Variants in ZFHX3 observed in about 807,000 individuals in gnomAD.
ZFHX3 encodes the protein zinc finger homeobox 3.
Under a neutral mutation model 279.1 loss-of-function variants are expected in ZFHX3, and 42 were observed. That is an observed-to-expected ratio of 0.15 (90% CI 0.12 to 0.19). ZFHX3 has a LOEUF of 0.19. ZFHX3 is among the 10% of genes least tolerant of loss of function. The probability of loss-of-function intolerance (pLI) is 1.00; values close to 1 mark genes in which losing one functional copy is unlikely to be tolerated. For missense variants in ZFHX3, 4,981 were observed against 4,754.0 expected, an observed-to-expected ratio of 1.05 and a Z score of -1.40; for synonymous variants, 2,293 against 1,957.8, an observed-to-expected ratio of 1.17 and a Z score of -4.52.
At chr16:73,528,795 C>T (rs2019740446) in intron 2 of ZFHX3, among the ~76,000 whole-genome samples, 1 of 152,124 alleles carries the variant, frequency 6.6e-6, no homozygotes, top group African/African-American at 2.4e-5. Context: ...TGGTCTGTAG[C>T]CAGAGAACCA....
chr16:73,251,736 T>G (rs950443139), intron 5 of ZFHX3, among the ~76,000 whole-genome samples: 9 of 122,440 alleles, frequency 7.4e-5, no homozygotes, highest in South Asian at 2.8e-4. Flanking sequence ...GCACACACCA[T>G]GCACACACAC....
chr16:73,353,060 A>G (rs767776478), intron 3 of ZFHX3, among the ~76,000 whole-genome samples: 2 of 152,180 alleles, frequency 1.3e-5, no homozygotes, highest in Non-Finnish European at 2.9e-5. Flanking sequence ...GGGAATCCAC[A>G]CAGGCAGTGA....
At chr16:73,735,139 AC>A (rs1468062899) in intron 1 of ZFHX3, among the ~76,000 whole-genome samples, 3 of 152,164 alleles carry the variant, frequency 2.0e-5, no homozygotes, top group African/African-American at 7.2e-5. Flanking sequence ...TGCAGCCATC[AC>A]CACCACCCAT....
At chr16:73,666,108 A>T (rs2052840087) in intron 2 of ZFHX3, among the ~76,000 whole-genome samples, 1 of 151,762 alleles carries the variant, frequency 6.6e-6, no homozygotes, top group African/African-American at 2.4e-5. Context: ...GAGCCACCGC[A>T]CCCAGCTGCC....
At chr16:73,273,988 C>CA (rs1425188764) in intron 4 of ZFHX3, among the ~76,000 whole-genome samples, 3 of 151,828 alleles carry the variant, frequency 2.0e-5, no homozygotes, top group South Asian at 4.2e-4. Flanking sequence ...ACTAAAAATA[C>CA]AAAAAATTAG....
chr16:72,789,430 C>G (rs1389519788), intron 9 of ZFHX3: 1 of 152,306 alleles, frequency 6.6e-6, no homozygotes, highest in Non-Finnish European at 1.5e-5. Context: ...CCATTTGCAC[C>G]AAAGGCCTTC....
At chr16:73,648,671 C>A (rs139298311) in intron 2 of ZFHX3, among the ~76,000 whole-genome samples, 1 of 152,148 alleles carries the variant, frequency 6.6e-6, no homozygotes, top group Non-Finnish European at 1.5e-5. Flanking sequence ...CTTGGCCTCC[C>A]AAAGTGCTGG....
chr16:73,089,904 C>T (rs2144775448), intron 8 of ZFHX3, among the ~76,000 whole-genome samples: 1 of 152,272 alleles, frequency 6.6e-6, no homozygotes, highest in South Asian at 2.1e-4. Flanking sequence ...GGCTAGTGGC[C>T]CCCAAGCTCA....
chr16:73,506,568 T>C (rs2019330019), intron 2 of ZFHX3, among the ~76,000 whole-genome samples: 1 of 152,200 alleles, frequency 6.6e-6, no homozygotes, highest in Non-Finnish European at 1.5e-5. Flanking sequence ...CAGGTCTCCA[T>C]GTCAAGCCTG....
intron 1 of ZFHX3, among the ~76,000 whole-genome samples, chr16:73,792,283 G>A (rs561267161): frequency 1.3e-5 from 2 of 152,188 alleles, no homozygotes; most frequent in East Asian, 1.9e-4. Context: ...ACATGAATAC[G>A]GGGGAATGAA....
intron 5 of ZFHX3, among the ~76,000 whole-genome samples, chr16:73,223,887 A>C (rs965976355): frequency 6.6e-6 from 1 of 152,236 alleles, no homozygotes; most frequent in African/African-American, 2.4e-5. Context: ...ACACACTATC[A>C]ACATAAATGT....
intron 5 of ZFHX3, among the ~76,000 whole-genome samples, chr16:73,148,943 T>C (rs1222812777): frequency 6.6e-6 from 1 of 151,694 alleles, no homozygotes; most frequent in Non-Finnish European, 1.5e-5. Flanking sequence ...CAAGACTCCA[T>C]CTCAAAACAA....
chr16:72,825,235 A>G (rs1265426334), intron 5 of ZFHX3, among the ~76,000 whole-genome samples: 1 of 152,248 alleles, frequency 6.6e-6, no homozygotes, highest in Non-Finnish European at 1.5e-5. Flanking sequence ...GCACAACGCC[A>G]GCTCCTTACA....
At chr16:73,705,379 G>T (rs1356379802) in intron 1 of ZFHX3, among the ~76,000 whole-genome samples, 1 of 152,218 alleles carries the variant, frequency 6.6e-6, no homozygotes, top group South Asian at 2.1e-4. Context: ...GGGTGAGAGG[G>T]TGAGAGCAGC....
intron 4 of ZFHX3, among the ~76,000 whole-genome samples, chr16:72,880,378 G>T (rs1330925492): frequency 1.3e-5 from 2 of 152,128 alleles, no homozygotes; most frequent in African/African-American, 4.8e-5. Flanking sequence ...GAGGTGATTA[G>T]GTTAACGTGA....
chr16:73,023,890 G>A (rs1278461402), intron 1 of ZFHX3, among the ~76,000 whole-genome samples: 6 of 152,130 alleles, frequency 3.9e-5, no homozygotes, highest in Admixed American at 6.6e-5. Context: ...GGACACTTCC[G>A]TTTCAGGACA....
At chr16:73,624,702 A>G (rs746134471) in intron 2 of ZFHX3, among the ~76,000 whole-genome samples, 8 of 152,118 alleles carry the variant, frequency 5.3e-5, no homozygotes, top group Non-Finnish European at 8.8e-5. Flanking sequence ...AGCACATTTC[A>G]TCAAATGTGT....
At chr16:73,452,697 T>C (rs887667279) in intron 3 of ZFHX3, among the ~76,000 whole-genome samples, 5 of 152,202 alleles carry the variant, frequency 3.3e-5, no homozygotes. Flanking sequence ...CTTCCATTTG[T>C]TGGATTTACT....
rs2017764665 is a variant in ZFHX3, at chr16:73,423,924, A to G, written c.-1291+32079T>C. On this transcript the variant is annotated intron_variant, in intron 3 of 17. Transcript: ENST00000641206. Reference sequence around the variant, plus strand: ...GATGCTTCCTTTGTATCTCTGGACAATATTGGGTCTCTGTGAGATGTTAAT... The same window carrying G: ...GATGCTTCCTTTGTATCTCTGGACAGTATTGGGTCTCTGTGAGATGTTAAT... Among the ~76,000 whole-genome samples the G allele has an allele frequency of 3.9e-5, 6 of 152,158 alleles. No homozygotes were observed. In the South Asian group the frequency reaches 1.2e-3, roughly 32 times the overall value.
Sources: allele counts gnomAD v4.1 joint callset (sites outside exome capture counted in the v4.1 genomes callset), GRCh38; gene constraint gnomAD v4.1.1; transcripts MANE v1.5; gene names NCBI Gene and HGNC (gene_info 2026-07-23, HGNC 2026-07-21).